The following MYT1L variants were observed in gnomAD, a reference collection of about 807,000 sequenced individuals.
MYT1L encodes myelin transcription factor 1 like.
Under a neutral mutation model 126.7 loss-of-function variants are expected in MYT1L, and 12 were observed. The ratio of observed to expected loss-of-function variants is 0.09; its 90% CI spans 0.06 to 0.15. The LOEUF (loss-of-function observed/expected upper bound fraction) is 0.15. Ranked by LOEUF, MYT1L falls within the 10% of genes least tolerant of loss-of-function variation. The pLI is 1.00. For synonymous variants in MYT1L, 541 were observed against 604.2 expected (o/e 0.90, Z 1.53); for missense variants, 979 against 1,585.2 (o/e 0.62, Z 6.49).
chr2:2,004,316 TGCAG>T (rs1211718519), intron 4 of MYT1L, among the ~76,000 whole-genome samples: 1 of 145,068 alleles, frequency 6.9e-6, no homozygotes, highest in Admixed American at 6.8e-5. Context: ...CGTTCTTTCC[TGCAG>T]GCGTTCTTTC....
chr2:2,154,123 G>A (rs1426092129), intron 3 of MYT1L, among the ~76,000 whole-genome samples: 2 of 152,144 alleles, frequency 1.3e-5, no homozygotes, highest in Non-Finnish European at 2.9e-5. Context: ...TGACACTTCC[G>A]CCTGAGGTTT....
intron 2 of MYT1L, among the ~76,000 whole-genome samples, chr2:2,186,397 G>A (rs920908520): frequency 6.6e-6 from 1 of 152,224 alleles, no homozygotes; most frequent in Non-Finnish European, 1.5e-5. Flanking sequence ...GTCCCGCACT[G>A]TTAATGTTTT....
intron 2 of MYT1L, among the ~76,000 whole-genome samples, chr2:2,263,161 T>C (rs73913297): frequency 0.016 from 2,440 of 151,738 alleles, 66 homozygotes; most frequent in African/African-American, 0.056. Flanking sequence ...AATGACAACA[T>C]GCAACTTCCT....
At chr2:2,078,627 T>A (rs2075475541) in intron 3 of MYT1L, among the ~76,000 whole-genome samples, 1 of 152,048 alleles carries the variant, frequency 6.6e-6, no homozygotes, top group East Asian at 1.9e-4. Context: ...GTTCAATGAG[T>A]CAAGAAGACA....
chr2:1,809,276 C>T, intron 21 of MYT1L, 109 bp from the exon 22 acceptor site: 1 of 1,031,262 alleles, frequency 9.7e-7, no homozygotes, highest in Non-Finnish European at 1.5e-6. Flanking sequence ...TGGTTGCCAG[C>T]AAAAGGCTGT....
chr2:2,070,607 CAT>C (rs1382151882), intron 3 of MYT1L, among the ~76,000 whole-genome samples: 2 of 152,228 alleles, frequency 1.3e-5, no homozygotes, highest in Non-Finnish European at 2.9e-5. Flanking sequence ...TTTGTCTGGA[CAT>C]ATGTTTATTG....
At chr2:2,008,434 A>T (rs540569879) in intron 4 of MYT1L, among the ~76,000 whole-genome samples, 14 of 152,340 alleles carry the variant, frequency 9.2e-5, no homozygotes, top group African/African-American at 3.4e-4. Flanking sequence ...CCATTTGAGG[A>T]GTGATGCTGA....
chr2:2,249,710 A>G (rs1243477379), intron 2 of MYT1L, among the ~76,000 whole-genome samples: 1 of 152,188 alleles, frequency 6.6e-6, no homozygotes, highest in East Asian at 1.9e-4. Context: ...CTTCACAGCA[A>G]AGGAAACAAT....
At chr2:2,217,288 C>T (rs933366407) in intron 2 of MYT1L, among the ~76,000 whole-genome samples, 3 of 152,042 alleles carry the variant, frequency 2.0e-5, no homozygotes, top group African/African-American at 4.8e-5. Context: ...AATCCAACAG[C>T]GTATAAGAAG....
At chr2:2,306,986 T>C (rs1156437199) in intron 1 of MYT1L, among the ~76,000 whole-genome samples, 6 of 152,180 alleles carry the variant, frequency 3.9e-5, no homozygotes, top group Non-Finnish European at 8.8e-5. Context: ...GAGGGCTATG[T>C]GGAAAAGTGG....
At chr2:2,306,148 G>T (rs2095855067) in intron 1 of MYT1L, 2 of 152,124 alleles carry the variant, frequency 1.3e-5, no homozygotes, top group Admixed American at 1.3e-4. Context: ...CTCATCCCAG[G>T]TTTTGCCCTG....
At chr2:1,821,705 G>C (rs995881056) in intron 21 of MYT1L, among the ~76,000 whole-genome samples, 1 of 152,220 alleles carries the variant, frequency 6.6e-6, no homozygotes, top group Non-Finnish European at 1.5e-5. Context: ...CCTTTATCTT[G>C]AATCTGTTGG....
At chr2:2,166,508 T>C (rs2089147428) in intron 3 of MYT1L, among the ~76,000 whole-genome samples, 1 of 152,208 alleles carries the variant, frequency 6.6e-6, no homozygotes, top group Non-Finnish European at 1.5e-5. Context: ...TCCAGAGCTG[T>C]TATTCTCTGG....
Position 1,910,321 on chromosome 2 carries a change from G to T in MYT1L, c.1736C>A (p.Ala579Glu). 1 of 1,612,534 alleles carries T rather than the reference G, an allele frequency of 6.2e-7. No homozygotes were observed. ...RSLSGCPIAA[A>E]EKLAKAQEKH... ...TTCCTGTGCCTTGGCCAGTTTCTCT[G>T]CTGCAGCGATCGGGCATCCGGAGAG... Residue 579 changes from alanine (A) to glutamate (E), a missense_variant, in exon 13 of 25, where the codon GCA becomes GAA. Transcript: ENST00000647738. This position sits in a 1 kb window ranked among gnomAD's most constrained non-coding sequence, Gnocchi z 4.8.
At chr2:2,204,537 A>C (rs1269539444) in intron 2 of MYT1L, among the ~76,000 whole-genome samples, 1 of 143,040 alleles carries the variant, frequency 7.0e-6, no homozygotes, top group Non-Finnish European at 1.5e-5. Flanking sequence ...GCCATCAGAG[A>C]AATGCAAATC....
chr2:2,101,669 C>T (rs1263699663), intron 3 of MYT1L, among the ~76,000 whole-genome samples: 9 of 152,036 alleles, frequency 5.9e-5, no homozygotes, highest in Admixed American at 4.6e-4. Context: ...CCCATCCACT[C>T]ATCCACCAAT....
At chr2:1,974,014 T>C (rs2059996403) in intron 8 of MYT1L, among the ~76,000 whole-genome samples, 2 of 152,350 alleles carry the variant, frequency 1.3e-5, no homozygotes, top group Non-Finnish European at 2.9e-5. Flanking sequence ...ACTGTTTTCC[T>C]TCCATCTATC....
chr2:1,842,393 C>G (rs1323522713), intron 19 of MYT1L: 2 of 152,394 alleles, frequency 1.3e-5, no homozygotes, highest in East Asian at 1.9e-4. Context: ...GCCTTCACTC[C>G]CAGGCCCCTG....
At chr2:2,171,623 G>C (rs931340508) in intron 3 of MYT1L, among the ~76,000 whole-genome samples, 14 of 150,940 alleles carry the variant, frequency 9.3e-5, no homozygotes, top group African/African-American at 2.9e-4. Context: ...TTTTGTCGTC[G>C]TCGTTGTTGT....
Sources: allele counts gnomAD v4.1 joint callset (sites outside exome capture counted in the v4.1 genomes callset), GRCh38; gene constraint gnomAD v4.1.1; non-coding constraint Gnocchi (gnomAD v3.1); transcripts MANE v1.5; gene names NCBI Gene and HGNC (gene_info 2026-07-23, HGNC 2026-07-21).